The following OGN variants were observed in gnomAD, a reference collection of about 807,000 sequenced individuals.
The protein encoded by OGN is osteoglycin.
Under a neutral mutation model 30.8 loss-of-function variants are expected in OGN, and 19 were observed. The observed-to-expected ratio is 0.62, with a 90% CI of 0.43 to 0.90. OGN has a LOEUF of 0.90. OGN is among the 40% of genes least tolerant of loss of function. The pLI, the probability that OGN is intolerant of heterozygous loss-of-function variation, is 0.00. For missense variants in OGN, 283 were observed against 349.7 expected (o/e 0.81, Z 1.52); for synonymous variants, 126 against 128.3 (o/e 0.98, Z 0.12).
In OGN at chr9:92,384,296, A is replaced by G. The variant is rs1199298687; in HGVS notation, c.*1324T>C. On this transcript the variant is annotated 3_prime_UTR_variant, in exon 7 of 7. Transcript: ENST00000375561. ...ATAACTGAAAAACATCTGACATTCT[A>G]GGTAGGGAAAACAGAAGCAAATGCT... is the stretch of plus-strand genomic sequence containing the variant. 6.6e-6 allele frequency: 1 copy of G among 152,210 alleles called. No individual in the cohort carries two copies. The highest frequency in any genetic ancestry group is 1.5e-5 in the Non-Finnish European group (1 of 68,020). 9.4% of individuals were successfully genotyped at this position (152,210 alleles called of 1,614,324 possible).
At chr9:92,392,806 A>C (rs1465544098) in intron 4 of OGN, among the ~76,000 whole-genome samples, 1 of 152,164 alleles carries the variant, frequency 6.6e-6, no homozygotes, top group Non-Finnish European at 1.5e-5. Context: ...GAAGCAAGGG[A>C]TCTTGAAGTA....
chr9:92,394,062 A>G (rs1030597254), intron 3 of OGN, among the ~76,000 whole-genome samples: 1 of 152,156 alleles, frequency 6.6e-6, no homozygotes, highest in Non-Finnish European at 1.5e-5. Context: ...CTGGTGTGAC[A>G]TTGTACTTTC....
intron 3 of OGN, among the ~76,000 whole-genome samples, chr9:92,393,964 GTAT>G (rs1842790904): frequency 6.6e-6 from 1 of 152,102 alleles, no homozygotes; most frequent in African/African-American, 2.4e-5. Context: ...GGTTCAACTA[GTAT>G]TTGCCATGTT....
intron 5 of OGN, 39 bp from the exon 6 acceptor site, chr9:92,386,335 G>C: frequency 7.6e-7 from 1 of 1,311,464 alleles, no homozygotes; most frequent in South Asian, 1.2e-5. Context: ...TTGAGGTTCT[G>C]TACATTCTTT....
chr9:92,397,820 T>C (rs1769902955), intron 3 of OGN, among the ~76,000 whole-genome samples: 1 of 152,158 alleles, frequency 6.6e-6, no homozygotes, highest in Admixed American at 6.5e-5. Context: ...GATATAAACA[T>C]ATACAATATA....
Position 92,385,253 on chromosome 9 carries a change from C to A in OGN, c.*367G>T. 6.1e-6 allele frequency: 1 copy of A among 163,476 alleles called. No individual in the cohort carries two copies. The highest frequency in any genetic ancestry group is 1.8e-4 in the East Asian group (1 of 5,456). The allele number at this position is 163,476 out of a possible 1,614,324, so 10.1% of individuals were successfully genotyped here. A position where few individuals can be genotyped will look rare whatever the true frequency, so the allele number is the denominator to read the frequency against. On this transcript the variant is annotated 3_prime_UTR_variant, in exon 7 of 7. Coordinates refer to ENST00000375561, the MANE Select transcript of OGN (RefSeq NM_014057.5). The stretch of plus-strand genomic sequence containing the variant: ...AATGCTTTTGGGATCCAGTAAAGGC[C>A]AGGAAAGGCAAAGAGTTGAAAGTTT...
At chr9:92,390,444 C>T (rs1409359717) in intron 4 of OGN, among the ~76,000 whole-genome samples, 3 of 151,890 alleles carry the variant, frequency 2.0e-5, no homozygotes, top group Non-Finnish European at 2.9e-5. Flanking sequence ...TGGCATGTTG[C>T]GTTGTGATTC....
intron 2 of OGN, among the ~76,000 whole-genome samples, chr9:92,402,069 A>C (rs1428134647): frequency 6.6e-6 from 1 of 152,192 alleles, no homozygotes; most frequent in African/African-American, 2.4e-5. Flanking sequence ...AGAAACTTCT[A>C]AAGCCCTGTA....
Position 92,384,758 on chromosome 9 carries a change from A to T in OGN, c.*862T>A, listed in dbSNP as rs1208967634. The T allele has an allele frequency of 2.0e-5, 3 of 152,056 alleles. No homozygotes were observed. Among genetic ancestry groups the T allele is most frequent in the Non-Finnish European group, 4.4e-5 (3 of 67,992 alleles). 9.4% of individuals were successfully genotyped at this position (152,056 alleles called of 1,614,324 possible). A position where few individuals can be genotyped will look rare whatever the true frequency, so the allele number is the denominator to read the frequency against. On this transcript the variant is annotated 3_prime_UTR_variant, in exon 7 of 7. Coordinates refer to ENST00000375561, the MANE Select transcript of OGN (RefSeq NM_014057.5). ...ATCTTATGCTTGAACTAATTTATTG[A>T]TGAGATTCTCATTTCTGTAGTATAA...
At chr9:92,387,751 T>C (rs1277887561) in intron 5 of OGN, among the ~76,000 whole-genome samples, 2 of 152,120 alleles carry the variant, frequency 1.3e-5, no homozygotes, top group African/African-American at 4.8e-5. Context: ...ATAGGGCAGC[T>C]GAATTTATTA....
intron 3 of OGN, among the ~76,000 whole-genome samples, chr9:92,395,462 T>A (rs560687019): frequency 6.6e-6 from 1 of 152,216 alleles, no homozygotes; most frequent in African/African-American, 2.4e-5. Flanking sequence ...TTTTCACTAT[T>A]TCAAAGAAAT....
intron 1 of OGN, 99 bp from the exon 2 acceptor site, chr9:92,403,581 C>G: frequency 8.1e-7 from 1 of 1,235,390 alleles, no homozygotes; most frequent in Non-Finnish European, 1.0e-6. Context: ...GTATTTAACC[C>G]TTAGTGATCT....
At chr9:92,391,137 C>T (rs930052335) in intron 4 of OGN, among the ~76,000 whole-genome samples, 1 of 151,708 alleles carries the variant, frequency 6.6e-6, no homozygotes, top group Admixed American at 6.6e-5. Flanking sequence ...TGGCTCACAC[C>T]TGTAATCCCA....
chr9:92,387,322 G>A (rs375977985), intron 5 of OGN, among the ~76,000 whole-genome samples: 59 of 151,686 alleles, frequency 3.9e-4, no homozygotes, highest in African/African-American at 1.4e-3. Context: ...GTTGCAGTGA[G>A]CCGAGATTGT....
intron 3 of OGN, among the ~76,000 whole-genome samples, chr9:92,400,131 G>A (rs1843048244): frequency 6.6e-6 from 1 of 151,992 alleles, no homozygotes; most frequent in East Asian, 1.9e-4. Context: ...AAGAACAAGG[G>A]ATGTCTTTTG....
Position 92,401,121 on chromosome 9 carries a change from G to A in OGN, c.239C>T (p.Thr80Ile), listed in dbSNP as rs1843093851. The change falls in exon 3 of 7, where the codon ACA becomes ATA. Residue 80 changes from threonine (T) to isoleucine (I), a missense_variant. By Grantham distance (89) the Thr-to-Ile change is moderately conservative. Transcript: ENST00000375561. ...ATTTTCTTTCTTGGGAGGTAATGGT[G>A]TTATTGCCTCATCTTTTTGTAATTG... is the stretch of plus-strand genomic sequence containing the variant. ...SLQLQKDEAITPLPPKKENDE... is the reference protein window; with the variant it reads ...SLQLQKDEAIIPLPPKKENDE... The A allele has an allele frequency of 2.0e-6, 3 of 1,532,396 alleles. No homozygotes were observed. The highest frequency in any genetic ancestry group is 2.7e-6 in the Non-Finnish European group (3 of 1,107,598). The allele number at this position is 1,532,396 out of a possible 1,614,324, so 94.9% of individuals were successfully genotyped here.
chr9:92,399,426 AC>A (rs1370937842), intron 3 of OGN, among the ~76,000 whole-genome samples: 1 of 152,120 alleles, frequency 6.6e-6, no homozygotes, highest in Non-Finnish European at 1.5e-5. Flanking sequence ...AATTAGAGTT[AC>A]TAGATCTTTA....
rs1397566981 is a variant in OGN, at chr9:92,384,198, ATAAT to A, written c.*1418_*1421del. On this transcript the variant is annotated 3_prime_UTR_variant, in exon 7 of 7. Coordinates refer to ENST00000375561, the MANE Select transcript of OGN (RefSeq NM_014057.5). ...TGAGCTAATAATCATTGTTAGAATA[ATAAT>A]TGTGTTCTTAGATCTCAGATGCTTT... 6.6e-6 allele frequency: 1 copy of A among 152,206 alleles called. No homozygotes were observed. The highest frequency in any genetic ancestry group is 6.5e-5 in the Admixed American group (1 of 15,276). The allele number at this position is 152,206 out of a possible 1,614,324, so 9.4% of individuals were successfully genotyped here.
At position 92,383,414 on chromosome 9, in the gene OGN, C is replaced by T. The variant is rs1368843770; in HGVS notation, c.*2206G>A. 6.6e-6 allele frequency among the ~76,000 whole-genome samples: 1 copy of T among 152,136 alleles called. No homozygotes were observed. Among genetic ancestry groups the T allele is most frequent in the African/African-American group, 2.4e-5 (1 of 41,410 alleles). ...TATTGTTGTCTTAACAACATTAAAT[C>T]TTACCATCCATAAACACAAGACATC... On this transcript the variant is annotated 3_prime_UTR_variant, in exon 7 of 7. Coordinates refer to ENST00000375561, the MANE Select transcript of OGN (RefSeq NM_014057.5).
Sources: gnomAD v4.1 joint callset for allele counts (sites outside exome capture counted in the v4.1 genomes callset) on GRCh38, gnomAD v4.1.1 for gene constraint, MANE v1.5 for transcripts, NCBI Gene and HGNC (gene_info 2026-07-23, HGNC 2026-07-21) for gene names.